Variants in CSNK1A1 observed in about 807,000 individuals in gnomAD.
CSNK1A1 encodes the protein casein kinase I isoform alpha.
Under a neutral mutation model 46.1 loss-of-function variants are expected in CSNK1A1, and 7 were observed. The ratio of observed to expected loss-of-function variants is 0.15; its 90% CI spans 0.09 to 0.29. The LOEUF (loss-of-function observed/expected upper bound fraction) is 0.29. CSNK1A1 is among the 10% of genes least tolerant of loss of function. CSNK1A1 has a pLI of 1.00. For missense variants in CSNK1A1, 96 were observed against 417.1 expected (o/e 0.23, Z 6.71); for synonymous variants, 137 against 141.5 (o/e 0.97, Z 0.23).
In CSNK1A1 at chr5:149,541,638, C is replaced by A. The variant is rs554005061; in HGVS notation, c.230+8437G>T. ...GAACAGTGACAGATCATGAGAAAACCAAGACTTAATGATATTTTAGGTACA... is the reference window on the plus strand; with the variant it reads ...GAACAGTGACAGATCATGAGAAAACAAAGACTTAATGATATTTTAGGTACA... On this transcript the variant is annotated intron_variant, in intron 2 of 9. Transcript: ENST00000377843. Among the ~76,000 whole-genome samples, 10 of 152,102 alleles carry A rather than the reference C, an allele frequency of 6.6e-5. No individual in the cohort carries two copies. The East Asian group carries it at 1.9e-3, about 29-fold the overall frequency.
rs1211399607 is a variant in CSNK1A1, at chr5:149,517,677, T to A, written c.456+2613A>T. On this transcript the variant is annotated intron_variant, in intron 4 of 9. Transcript: ENST00000377843. The surrounding 1 kb of genome is among the most constrained non-coding windows in gnomAD (Gnocchi z 4.4). ...GAATAATGCCAACGTAAGAGGTGCT[T>A]GAGCAAGATCTACATTCTCCAGAAT... 6.1e-6 allele frequency: 4 copies of A among 658,098 alleles called. No homozygotes were observed. In the Admixed American group the frequency reaches 1.1e-4, roughly 18 times the overall value. 40.8% of individuals were successfully genotyped at this position (658,098 alleles called of 1,614,324 possible).
intron 6 of CSNK1A1, among the ~76,000 whole-genome samples, chr5:149,511,096 C>A (rs1180576538): frequency 6.6e-6 from 1 of 152,126 alleles, no homozygotes; most frequent in Non-Finnish European, 1.5e-5. Flanking sequence ...GATGCTGAAG[C>A]AGGAGAATCA....
At chr5:149,549,222 ATATGAG>A (rs1215213094) in intron 2 of CSNK1A1, 1 of 466,954 alleles carries the variant, frequency 2.1e-6, no homozygotes, top group African/African-American at 1.9e-5. Flanking sequence ...AATACAACTG[ATATGAG>A]TAAATTTTAA....
At chr5:149,519,144 T>C (rs541563259) in intron 4 of CSNK1A1, among the ~76,000 whole-genome samples, 3 of 152,254 alleles carry the variant, frequency 2.0e-5, no homozygotes, top group Admixed American at 6.5e-5. Flanking sequence ...CTTTCATTAT[T>C]TAAAGCTCAA....
chr5:149,541,277 C>A (rs188894569), intron 2 of CSNK1A1, among the ~76,000 whole-genome samples: 1 of 151,468 alleles, frequency 6.6e-6, no homozygotes, highest in Non-Finnish European at 1.5e-5. Flanking sequence ...CTCAGCCTCC[C>A]GAGTAGCTGG....
chr5:149,533,527 TTTC>T (rs371617183), intron 2 of CSNK1A1, among the ~76,000 whole-genome samples: 12 of 152,262 alleles, frequency 7.9e-5, no homozygotes, highest in African/African-American at 2.9e-4. Context: ...ATCACCTTAT[TTTC>T]TTCTTCAGGT....
chr5:149,497,667 C>A, intron 9 of CSNK1A1: 1 of 985,448 alleles, frequency 1.0e-6, no homozygotes, highest in Non-Finnish European at 1.2e-6. Context: ...TCTTAAGCAC[C>A]GTTTTTCCTC....
intron 9 of CSNK1A1, chr5:149,504,344 A>G: frequency 1.0e-6 from 1 of 978,636 alleles, no homozygotes; most frequent in South Asian, 4.7e-5. Flanking sequence ...TCAGATTAGA[A>G]TCTATTTTTA....
intron 2 of CSNK1A1, among the ~76,000 whole-genome samples, chr5:149,535,752 C>T (rs949680431): frequency 4.9e-4 from 75 of 152,298 alleles, no homozygotes; most frequent in African/African-American, 1.7e-3. Flanking sequence ...AGCGATTCTC[C>T]TGCCTCAGCC....
At chr5:149,500,854 T>A (rs1315151840) in intron 9 of CSNK1A1, among the ~76,000 whole-genome samples, 1 of 151,360 alleles carries the variant, frequency 6.6e-6, no homozygotes, top group East Asian at 1.9e-4. Flanking sequence ...CTATAGAAAC[T>A]AAAAGAGTAT....
intron 2 of CSNK1A1, among the ~76,000 whole-genome samples, chr5:149,542,124 T>C (rs936807156): frequency 1.2e-4 from 18 of 152,050 alleles, no homozygotes; most frequent in Non-Finnish European, 2.5e-4. Context: ...CATTACCGCC[T>C]GAGCTCAGCC....
At chr5:149,499,702 C>G (rs77216920) in intron 9 of CSNK1A1, among the ~76,000 whole-genome samples, 3,374 of 152,056 alleles carry the variant, frequency 0.022, 125 homozygotes, top group African/African-American at 0.078. Flanking sequence ...ATCCTACCAC[C>G]TCAGCCTCCC....
At chr5:149,498,709 GTTTTAT>G (rs766502409) in intron 9 of CSNK1A1, 217 of 985,118 alleles carry the variant, frequency 2.2e-4, no homozygotes, top group Non-Finnish European at 2.5e-4. Context: ...AAATTGCTGG[GTTTTAT>G]CATAGTTTTC....
intron 2 of CSNK1A1, among the ~76,000 whole-genome samples, chr5:149,537,216 A>G (rs1762084511): frequency 6.6e-6 from 1 of 152,010 alleles, no homozygotes; most frequent in Admixed American, 6.6e-5. Flanking sequence ...TCTCTACTAA[A>G]AATACAAAAA....
At position 149,497,984 on chromosome 5, in the gene CSNK1A1, C is replaced by A. The variant is rs1267791963; in HGVS notation, c.1007-1124G>T. On this transcript the variant is annotated intron_variant, in intron 9 of 9. Coordinates refer to ENST00000377843, the MANE Select transcript of CSNK1A1 (RefSeq NM_001892.6). The stretch of plus-strand genomic sequence containing the variant: ...GAGTAGCTGGGACTATAGGTGCCTG[C>A]CACCATGCCTGGCTAATTTTTGTAT... 4 of 621,412 alleles carry A rather than the reference C, an allele frequency of 6.4e-6. No homozygotes were observed. The East Asian group carries it at 5.5e-4, about 86-fold the overall frequency. The allele number at this position is 621,412 out of a possible 1,614,324, so 38.5% of individuals were successfully genotyped here.
Position 149,550,926 on chromosome 5 carries a change from G to C in CSNK1A1, c.39C>G (p.Val13=). 1 of 1,614,130 alleles carries C rather than the reference G, an allele frequency of 6.2e-7. No homozygotes were observed. The highest frequency in any genetic ancestry group is 1.1e-5 in the South Asian group (1 of 91,080). ...SSSGSKAEFI[V]GGKYKLVRKI... Reference sequence around the variant, plus strand: ...TCCGTACCAGTTTATATTTCCCTCCGACAATGAATTCAGCCTTGGAGCCGC... The same window carrying C: ...TCCGTACCAGTTTATATTTCCCTCCCACAATGAATTCAGCCTTGGAGCCGC... Residue 13 remains valine, a synonymous_variant, in exon 1 of 10, where the codon GTC becomes GTG. Coordinates refer to ENST00000377843, the MANE Select transcript of CSNK1A1 (RefSeq NM_001892.6). This position sits in a 1 kb window ranked among gnomAD's most constrained non-coding sequence, Gnocchi z 4.3.
At chr5:149,538,820 G>A (rs1243782817) in intron 2 of CSNK1A1, among the ~76,000 whole-genome samples, 1 of 152,146 alleles carries the variant, frequency 6.6e-6, no homozygotes, top group Non-Finnish European at 1.5e-5. Context: ...TACTCAGGAG[G>A]CTGAGGCAGG....
At chr5:149,530,021 T>G (rs1761841113) in intron 2 of CSNK1A1, among the ~76,000 whole-genome samples, 1 of 152,102 alleles carries the variant, frequency 6.6e-6, no homozygotes, top group Non-Finnish European at 1.5e-5. Context: ...AATAAATCAG[T>G]GTAATTATTG....
chr5:149,497,754 T>A, intron 9 of CSNK1A1: 5 of 985,488 alleles, frequency 5.1e-6, no homozygotes, highest in South Asian at 9.4e-5. Context: ...TATAGCTCAT[T>A]CTAGCCCACT....
Sources: allele counts gnomAD v4.1 joint callset (sites outside exome capture counted in the v4.1 genomes callset), GRCh38; gene constraint gnomAD v4.1.1; non-coding constraint Gnocchi (gnomAD v3.1); transcripts MANE v1.5; gene names NCBI Gene and HGNC (gene_info 2026-07-23, HGNC 2026-07-21).